Variants in FYB1 observed in about 807,000 individuals in gnomAD.
The protein encoded by FYB1 is FYN-binding protein 1.
FYB1 carries 41 observed loss-of-function variants against 94.1 expected under a neutral mutation model. The ratio of observed to expected loss-of-function variants is 0.44; its 90% CI spans 0.34 to 0.57. The LOEUF (loss-of-function observed/expected upper bound fraction) is 0.57. Among genes scored for constraint, FYB1 ranks in the 20% least tolerant of loss-of-function variants. The pLI is 0.02. For synonymous variants in FYB1, 367 were observed against 353.2 expected (o/e 1.04, Z -0.44); for missense variants, 1,050 against 976.8 (o/e 1.07, Z -1.00).
intron 16 of FYB1, among the ~76,000 whole-genome samples, chr5:39,114,405 C>T (rs1739344658): frequency 6.6e-6 from 1 of 152,196 alleles, no homozygotes; most frequent in Non-Finnish European, 1.5e-5. Flanking sequence ...GTAAAAGTGG[C>T]TGATGTCCCA....
intron 16 of FYB1, among the ~76,000 whole-genome samples, chr5:39,111,565 A>G (rs753095103): frequency 5.9e-5 from 9 of 151,966 alleles, no homozygotes; most frequent in Middle Eastern, 3.4e-3. Context: ...TTGAAGTGTT[A>G]TAGGGTTAAA....
intron 1 of FYB1, chr5:39,274,354 G>A (rs1442666972): frequency 6.6e-6 from 1 of 152,110 alleles, no homozygotes; most frequent in African/African-American, 2.4e-5. Flanking sequence ...CAACATTAAT[G>A]TGCCTGGCTA....
At chr5:39,207,590 C>G (rs1444262308) in intron 1 of FYB1, among the ~76,000 whole-genome samples, 1 of 152,150 alleles carries the variant, frequency 6.6e-6, no homozygotes, top group African/African-American at 2.4e-5. Flanking sequence ...CTTTTCTGTT[C>G]CTAGAAAGAA....
rs551930112 is a variant in FYB1 at position 39,197,620 on chromosome 5, C to A, written c.1135+4206G>T. ...GGGGAAAGCAAATGCACTCTGGAAA[C>A]AATGACCTTCGAAAACTGCCTTTGA... is the stretch of plus-strand genomic sequence containing the variant. On this transcript the variant is annotated intron_variant, in intron 2 of 18. Coordinates refer to ENST00000512982, the MANE Select transcript of FYB1 (RefSeq NM_001465.6). 2.6e-5 allele frequency among the ~76,000 whole-genome samples: 4 copies of A among 152,370 alleles called. No individual in the cohort carries two copies. The East Asian group carries it at 7.7e-4, about 29-fold the overall frequency.
At chr5:39,145,772 A>G (rs1344723594) in intron 3 of FYB1, among the ~76,000 whole-genome samples, 1 of 152,006 alleles carries the variant, frequency 6.6e-6, no homozygotes, top group East Asian at 1.9e-4. Flanking sequence ...ATCTTCTCAC[A>G]TATTAACAGT....
intron 1 of FYB1, among the ~76,000 whole-genome samples, chr5:39,267,033 T>C (rs1382472753): frequency 1.3e-5 from 2 of 152,166 alleles, no homozygotes; most frequent in Non-Finnish European, 2.9e-5. Flanking sequence ...AGGCCCAATA[T>C]TCAGTAGCTG....
At chr5:39,263,998 A>G (rs1032470725) in intron 1 of FYB1, among the ~76,000 whole-genome samples, 3 of 152,138 alleles carry the variant, frequency 2.0e-5, no homozygotes, top group Non-Finnish European at 2.9e-5. Flanking sequence ...TCAAAATCCT[A>G]TCCTCCAAGA....
At chr5:39,149,183 C>T (rs1336998321) in intron 3 of FYB1, among the ~76,000 whole-genome samples, 1 of 152,150 alleles carries the variant, frequency 6.6e-6, no homozygotes, top group Non-Finnish European at 1.5e-5. Context: ...ATTTCTGATT[C>T]TCACCTGTCT....
At chr5:39,134,062 C>T in intron 9 of FYB1, 146 bp downstream of exon 9, 2 of 539,688 alleles carry the variant, frequency 3.7e-6, no homozygotes, top group Non-Finnish European at 6.5e-6. Flanking sequence ...GACCTTTCAC[C>T]CATGTTGGGG....
At chr5:39,184,618 A>T (rs1056182460) in intron 2 of FYB1, among the ~76,000 whole-genome samples, 1 of 152,186 alleles carries the variant, frequency 6.6e-6, no homozygotes, top group Non-Finnish European at 1.5e-5. Context: ...AGAATATGCT[A>T]TTGAATATGT....
At chr5:39,216,019 C>A (rs1273870643) in intron 1 of FYB1, among the ~76,000 whole-genome samples, 1 of 152,018 alleles carries the variant, frequency 6.6e-6, no homozygotes, top group Admixed American at 6.6e-5. Context: ...GTGATGCAAC[C>A]ACAAGCCATG....
intron 1 of FYB1, among the ~76,000 whole-genome samples, chr5:39,215,071 G>T (rs188611410): frequency 6.6e-6 from 1 of 152,168 alleles, no homozygotes; most frequent in Non-Finnish European, 1.5e-5. Context: ...TAGAGTTACA[G>T]TTGGGAAAGA....
At position 39,118,983 on chromosome 5, in the gene FYB1, A is replaced by C. The variant is rs772944231; in HGVS notation, c.2292T>G (p.Thr764=). The C allele has an allele frequency of 1.2e-5, 19 of 1,550,612 alleles. No individual in the cohort carries two copies. Among genetic ancestry groups the C allele is most frequent in the Non-Finnish European group, 1.6e-5 (18 of 1,137,416 alleles). Residue 764 remains threonine, a synonymous_variant, in exon 16 of 19, where the codon ACT becomes ACG. Transcript: ENST00000512982. The part of the protein sequence containing the change: ...LYSTKVTTSI[T]SKKWGTRDLQ... Reference sequence around the variant, plus strand: ...GATCTCTGGTTCCCCACTTTTTAGAAGTTATGGAAGTTGTAACTTTAGTTG... The same window carrying C: ...GATCTCTGGTTCCCCACTTTTTAGACGTTATGGAAGTTGTAACTTTAGTTG...
chr5:39,169,000 A>G (rs965238271), intron 2 of FYB1, among the ~76,000 whole-genome samples: 3 of 152,220 alleles, frequency 2.0e-5, no homozygotes, highest in African/African-American at 4.8e-5. Flanking sequence ...TGAGCTTGTT[A>G]AATTATTGTC....
intron 17 of FYB1, among the ~76,000 whole-genome samples, chr5:39,109,562 C>T (rs1240323037): frequency 6.6e-6 from 1 of 152,078 alleles, no homozygotes; most frequent in African/African-American, 2.4e-5. Context: ...TTGGCCTTTA[C>T]TAGTTTGCCA....
chr5:39,177,967 T>C (rs1421170434), intron 2 of FYB1, among the ~76,000 whole-genome samples: 1 of 152,218 alleles, frequency 6.6e-6, no homozygotes, highest in African/African-American at 2.4e-5. Context: ...ACTTCTGCTC[T>C]TGTACAGTAA....
At chr5:39,273,056 C>T (rs751259012) in intron 1 of FYB1, among the ~76,000 whole-genome samples, 2 of 152,096 alleles carry the variant, frequency 1.3e-5, no homozygotes, top group African/African-American at 2.4e-5. Context: ...CCACCCCGTC[C>T]GGGAGGTGGG....
intron 6 of FYB1, chr5:39,138,097 T>C (rs758800412): frequency 3.9e-5 from 8 of 207,414 alleles, no homozygotes; most frequent in Non-Finnish European, 7.7e-5. Flanking sequence ...GAAACTTGAG[T>C]CAGAATTGGT....
At chr5:39,132,386 T>A (rs867026486) in intron 9 of FYB1, among the ~76,000 whole-genome samples, 1 of 152,192 alleles carries the variant, frequency 6.6e-6, no homozygotes, top group East Asian at 1.9e-4. Flanking sequence ...AAATAAAACA[T>A]GTATAGAAAT....
Sources: gnomAD v4.1 joint callset for allele counts (sites outside exome capture counted in the v4.1 genomes callset) on GRCh38, gnomAD v4.1.1 for gene constraint, MANE v1.5 for transcripts, NCBI Gene and HGNC (gene_info 2026-07-23, HGNC 2026-07-21) for gene names.